DDC: variants seen among roughly 807,000 people sequenced by gnomAD.
DDC encodes the protein aromatic-L-amino-acid decarboxylase.
Under a neutral mutation model 60.0 loss-of-function variants are expected in DDC, and 43 were observed. The observed-to-expected ratio is 0.72, with a 90% CI of 0.56 to 0.92. The LOEUF (loss-of-function observed/expected upper bound fraction) is 0.92, where lower values mean the gene tolerates loss of function less well. Ranked by LOEUF, DDC falls within the 40% of genes least tolerant of loss-of-function variation. DDC has a pLI of 0.00. For missense variants in DDC, 573 were observed against 620.2 expected (o/e 0.92, Z 0.81); for synonymous variants, 232 against 234.6 (o/e 0.99, Z 0.10).
At chr7:50,528,696 G>A (rs1324914886) in intron 5 of DDC, among the ~76,000 whole-genome samples, 1 of 152,112 alleles carries the variant, frequency 6.6e-6, no homozygotes, top group South Asian at 2.1e-4. Flanking sequence ...TCAGTAAACA[G>A]TACCTGGAGG....
rs557184849 is a variant in DDC at position 50,510,280 on chromosome 7, T to A, written c.715-6221A>T. On this transcript the variant is annotated intron_variant, in intron 6 of 14. Coordinates refer to ENST00000444124, the MANE Select transcript of DDC (RefSeq NM_001082971.2). ...GTGAGCCACCGCACCTGGCCACTTA[T>A]GTATCTTACTTATTTACTTTGTTTA... Among the ~76,000 whole-genome samples, 7 of 151,958 alleles carry A rather than the reference T, an allele frequency of 4.6e-5. No homozygotes were observed. The South Asian group carries it at 8.4e-4, about 18-fold the overall frequency.
At chr7:50,481,656 T>C (rs1377867070) in intron 9 of DDC, among the ~76,000 whole-genome samples, 1 of 152,250 alleles carries the variant, frequency 6.6e-6, no homozygotes, top group Non-Finnish European at 1.5e-5. Flanking sequence ...TAAATATTCC[T>C]GTCCCTCACC....
At chr7:50,489,612 C>T (rs1425964937) in intron 9 of DDC, among the ~76,000 whole-genome samples, 1 of 152,142 alleles carries the variant, frequency 6.6e-6, no homozygotes, top group African/African-American at 2.4e-5. Flanking sequence ...AAACTGTGTT[C>T]AAGAGACACA....
In DDC at chr7:50,556,773, T is replaced by C. The variant is rs545270911; in HGVS notation, c.-29+8512A>G. On this transcript the variant is annotated intron_variant, in intron 1 of 14. Coordinates refer to ENST00000444124, the MANE Select transcript of DDC (RefSeq NM_001082971.2). ...GCCTCCTTGGCGAGATTGGTCTGCG[T>C]TGGAAAATGGAACTGCCACAATCAA... Among the ~76,000 whole-genome samples, 15 of 152,276 alleles carry C rather than the reference T, an allele frequency of 9.9e-5. 1 individual carries two copies. Among genetic ancestry groups the C allele is most frequent in the African/African-American group, 3.6e-4 (15 of 41,552 alleles).
intron 6 of DDC, among the ~76,000 whole-genome samples, chr7:50,525,106 C>T (rs2044002511): frequency 6.6e-6 from 1 of 152,084 alleles, no homozygotes; most frequent in Non-Finnish European, 1.5e-5. Flanking sequence ...TTGTATAATT[C>T]CATTTATATA....
intron 6 of DDC, among the ~76,000 whole-genome samples, chr7:50,526,059 G>A (rs991362991): frequency 3.3e-5 from 5 of 152,200 alleles, no homozygotes; most frequent in South Asian, 4.1e-4. Flanking sequence ...TTCCAAAACC[G>A]AGGAGAGACA....
At position 50,539,919 on chromosome 7, in the gene DDC, G is replaced by A. The variant is rs2044564034; in HGVS notation, c.311C>T (p.Ser104Phe). 6.2e-7 allele frequency: 1 copy of A among 1,613,186 alleles called. No homozygotes were observed. The highest frequency in any genetic ancestry group is 1.1e-5 in the South Asian group (1 of 91,038). ...GAGGTGCATCCGGACCCTCACCCAG[G>A]AGAAGCCGATGCAGCCAATGGCCCC... ...LCGAIGCIGFSWAASPACTEL... is the reference protein window; with the variant it reads ...LCGAIGCIGFFWAASPACTEL... Residue 104 changes from serine (S) to phenylalanine (F), a missense_variant, in exon 3 of 15, where the codon TCC becomes TTC. By Grantham distance (155) the Ser-to-Phe change is radical. Transcript: ENST00000444124.
intron 11 of DDC, among the ~76,000 whole-genome samples, chr7:50,475,986 G>A (rs541523302): frequency 3.9e-5 from 6 of 152,130 alleles, no homozygotes; most frequent in Admixed American, 3.9e-4. Context: ...CACAGCACCT[G>A]GCCACAGGTC....
chr7:50,467,130 G>T (rs577241418), intron 13 of DDC, 84 bp downstream of exon 13: 3 of 1,219,370 alleles, frequency 2.5e-6, no homozygotes, highest in Non-Finnish European at 3.6e-6. Context: ...GCCAGTGCCA[G>T]TGTTTGAGCA....
At chr7:50,525,575 C>A (rs2044015116) in intron 6 of DDC, among the ~76,000 whole-genome samples, 1 of 152,004 alleles carries the variant, frequency 6.6e-6, no homozygotes, top group African/African-American at 2.4e-5. Context: ...ACCAGCTTGG[C>A]CAACATGATG....
chr7:50,481,436 A>C (rs1585159739), intron 9 of DDC, among the ~76,000 whole-genome samples: 1 of 152,166 alleles, frequency 6.6e-6, no homozygotes, highest in South Asian at 2.1e-4. Context: ...GAGGGGACCA[A>C]GAGGGATGTG....
chr7:50,501,844 C>A (rs143525261), intron 7 of DDC, among the ~76,000 whole-genome samples: 5 of 152,218 alleles, frequency 3.3e-5, no homozygotes, highest in African/African-American at 9.6e-5. Flanking sequence ...GAGGCTGAGG[C>A]GGGCATATCA....
At chr7:50,538,038 C>T in intron 3 of DDC, 59 bp from the exon 4 acceptor site, 3 of 1,607,720 alleles carry the variant, frequency 1.9e-6, no homozygotes, top group Non-Finnish European at 1.7e-6. Flanking sequence ...ATTTGGGGGT[C>T]AGCAGTAACA....
chr7:50,534,686 G>T (rs979563990), intron 4 of DDC, among the ~76,000 whole-genome samples: 28 of 152,204 alleles, frequency 1.8e-4, no homozygotes, highest in Middle Eastern at 3.4e-3. Flanking sequence ...AAAACTAAAA[G>T]AAAAAGTAAG....
intron 1 of DDC, among the ~76,000 whole-genome samples, chr7:50,559,027 C>T (rs888467870): frequency 6.6e-6 from 1 of 152,214 alleles, no homozygotes. Flanking sequence ...AGAAGTGCCT[C>T]TCCTCTACCT....
At chr7:50,482,113 T>G (rs900868189) in intron 9 of DDC, among the ~76,000 whole-genome samples, 5 of 152,194 alleles carry the variant, frequency 3.3e-5, no homozygotes. Flanking sequence ...CAAGGTGAGC[T>G]ATGTTAAGGT....
chr7:50,487,614 G>C (rs2042913909), intron 9 of DDC, among the ~76,000 whole-genome samples: 1 of 152,054 alleles, frequency 6.6e-6, no homozygotes, highest in Non-Finnish European at 1.5e-5. Flanking sequence ...GTGTGCTTAG[G>C]TGTGTTTATG....
In DDC at chr7:50,539,842, A is replaced by G. The variant is rs1313845968; in HGVS notation, c.315+73T>C. The G allele has an allele frequency of 1.7e-5, 19 of 1,128,472 alleles. No homozygotes were observed. The East Asian group carries it at 2.0e-4, about 12-fold the overall frequency. The allele number at this position is 1,128,472 out of a possible 1,614,324, so 69.9% of individuals were successfully genotyped here. On this transcript the variant is annotated intron_variant, in intron 3 of 14. Coordinates refer to ENST00000444124, the MANE Select transcript of DDC (RefSeq NM_001082971.2). ...CGCCATCTGCTCAGGTCCCTTGTGC[A>G]TAGGTACCGTGTCCCCACCCCGGGA...
intron 1 of DDC, among the ~76,000 whole-genome samples, chr7:50,552,438 T>C (rs868863687): frequency 3.3e-5 from 5 of 152,204 alleles, no homozygotes; most frequent in African/African-American, 1.2e-4. Context: ...CTGTGGTGCA[T>C]TGCCTGTGCA....
Sources: gnomAD v4.1 joint callset for allele counts (sites outside exome capture counted in the v4.1 genomes callset) on GRCh38, gnomAD v4.1.1 for gene constraint, MANE v1.5 for transcripts, NCBI Gene and HGNC (gene_info 2026-07-23, HGNC 2026-07-21) for gene names.